CDH7: variants seen among roughly 807,000 people sequenced by gnomAD.
The protein encoded by CDH7 is cadherin 7, also known as cadherin-7.
CDH7 carries 25 observed loss-of-function variants against 71.8 expected under a neutral mutation model. The ratio of observed to expected loss-of-function variants is 0.35; its 90% CI spans 0.25 to 0.49. The LOEUF is 0.49. CDH7 is among the 20% of genes least tolerant of loss of function. The pLI is 0.99. For synonymous variants in CDH7, 381 were observed against 363.8 expected, an observed-to-expected ratio of 1.05 and a Z score of -0.54; for missense variants, 862 against 974.6, an observed-to-expected ratio of 0.88 and a Z score of 1.54.
chr18:65,874,201 A>T (rs2144060398), intron 11 of CDH7, among the ~76,000 whole-genome samples: 1 of 152,324 alleles, frequency 6.6e-6, no homozygotes, highest in African/African-American at 2.4e-5. Context: ...GCCACTAAAC[A>T]ATGGATTAAA....
rs1914440901 is a variant in CDH7 at position 65,888,906 on chromosome 18, C to CT, written c.*8013dup. ...AGAGGATAAGAAGATAGCTGAAACT[C>CT]TAATAATTGGACTTTCCAATCTTAA... On this transcript the variant is annotated 3_prime_UTR_variant, in exon 12 of 12. Coordinates refer to ENST00000397968, the MANE Select transcript of CDH7 (RefSeq NM_004361.5). 1 of 152,100 alleles carries CT rather than the reference C, an allele frequency of 6.6e-6. No homozygotes were observed. Among genetic ancestry groups the CT allele is most frequent in the Non-Finnish European group, 1.5e-5 (1 of 68,014 alleles). The allele number at this position is 152,100 out of a possible 1,614,324, so 9.4% of individuals were successfully genotyped here.
intron 2 of CDH7, among the ~76,000 whole-genome samples, chr18:65,796,073 A>G (rs182135158): frequency 1.2e-4 from 18 of 152,292 alleles, no homozygotes; most frequent in Admixed American, 7.8e-4. Flanking sequence ...AGTCTCGGGT[A>G]TTTCTTCATG....
chr18:65,751,932 T>C (rs1915892984), intron 1 of CDH7, among the ~76,000 whole-genome samples: 1 of 152,194 alleles, frequency 6.6e-6, no homozygotes, highest in South Asian at 2.1e-4. Context: ...CCCTACGGAT[T>C]TCTTAAATGT....
chr18:65,773,769 A>G (rs1301098331), intron 2 of CDH7, among the ~76,000 whole-genome samples: 1 of 152,100 alleles, frequency 6.6e-6, no homozygotes, highest in Non-Finnish European at 1.5e-5. Context: ...CAAGCGTAAT[A>G]TCTGTATGTT....
In CDH7 at chr18:65,866,857, T is replaced by A. The variant is rs540215825; in HGVS notation, c.1864+3940T>A. On this transcript the variant is annotated intron_variant, in intron 11 of 11. Transcript: ENST00000397968. ...TTTATTTACACCTGAATTCTTTAAA[T>A]GAAAAAAAAATCCAAAAATTAGAAC... 4.7e-4 allele frequency among the ~76,000 whole-genome samples: 72 copies of A among 151,648 alleles called. 3 individuals carry two copies. The highest frequency in any genetic ancestry group is 1.2e-4 in the Non-Finnish European group (8 of 67,912).
At chr18:65,844,174 G>GATATATATATATATGTATATAT (rs1555688432) in intron 7 of CDH7, 109 bp downstream of exon 7, 1 of 222,152 alleles carries the variant, frequency 4.5e-6, no homozygotes, top group African/African-American at 3.1e-5. Flanking sequence ...ATAAAAACCA[G>GATATATATATATATGTATATAT]ATATATATAT....
chr18:65,761,159 T>A (rs1396566133), intron 1 of CDH7, among the ~76,000 whole-genome samples: 1 of 152,222 alleles, frequency 6.6e-6, no homozygotes. Context: ...AGTAATTAGA[T>A]GAACATTGGC....
At chr18:65,867,202 ATTGT>A (rs1288949075) in intron 11 of CDH7, among the ~76,000 whole-genome samples, 1 of 152,050 alleles carries the variant, frequency 6.6e-6, no homozygotes, top group East Asian at 1.9e-4. Flanking sequence ...CGCCCGGCTA[ATTGT>A]TTGTATTTTT....
chr18:65,801,961 A>T (rs376916751), intron 2 of CDH7, among the ~76,000 whole-genome samples: 2 of 152,232 alleles, frequency 1.3e-5, no homozygotes, highest in Admixed American at 1.3e-4. Flanking sequence ...CGACACGTAC[A>T]TGCATACCTT....
intron 2 of CDH7, among the ~76,000 whole-genome samples, chr18:65,790,527 A>T (rs1215466746): frequency 6.6e-6 from 1 of 152,086 alleles, no homozygotes; most frequent in Non-Finnish European, 1.5e-5. Context: ...ATACTATTTT[A>T]AAAAATGCTA....
intron 2 of CDH7, among the ~76,000 whole-genome samples, chr18:65,809,006 G>A (rs542837145): frequency 1.2e-4 from 19 of 152,308 alleles, no homozygotes; most frequent in African/African-American, 4.6e-4. Flanking sequence ...CCCTGCTGCT[G>A]ATGCTGTGCT....
At chr18:65,799,039 T>G (rs141603058) in intron 2 of CDH7, among the ~76,000 whole-genome samples, 14 of 152,192 alleles carry the variant, frequency 9.2e-5, no homozygotes, top group African/African-American at 3.1e-4. Context: ...AATCTCCAGG[T>G]TGCAAGTGGT....
At chr18:65,759,581 A>G (rs566398367) in intron 1 of CDH7, among the ~76,000 whole-genome samples, 1 of 152,212 alleles carries the variant, frequency 6.6e-6, no homozygotes, top group Admixed American at 6.5e-5. Flanking sequence ...AACAATGTGT[A>G]TTTTATCACA....
At position 65,844,181 on chromosome 18, in the gene CDH7, A is replaced by ATATATATATATG; in HGVS notation, c.1235+123_1235+124insATATGTATATAT. 2 of 256,232 alleles carry ATATATATATATG rather than the reference A, an allele frequency of 7.8e-6. 1 individual carries two copies. Among genetic ancestry groups the ATATATATATATG allele is most frequent in the South Asian group, 2.6e-4 (2 of 7,802 alleles). 15.9% of individuals were successfully genotyped at this position (256,232 alleles called of 1,614,324 possible). ...CATAACAAATAAAAACCAGATATAT[A>ATATATATATATG]TATATATCGAGTTATAACAGCAGAG... On this transcript the variant is annotated intron_variant, in intron 7 of 11. Transcript: ENST00000397968.
Position 65,844,039 on chromosome 18 carries a change from C to T in CDH7, c.1209C>T (p.Asp403=), listed in dbSNP as rs1231275454. 1 of 1,612,856 alleles carries T rather than the reference C, an allele frequency of 6.2e-7. No individual in the cohort carries two copies. The highest frequency in any genetic ancestry group is 8.5e-7 in the Non-Finnish European group (1 of 1,179,304). The part of the protein sequence containing the change: ...GNIIGTVAAH[D]PDSSNSPVRY... ...TCATTGGCACTGTAGCAGCTCATGA[C>T]CCAGATTCTTCCAATAGCCCTGTGA... Residue 403 remains aspartate (D), a synonymous_variant, in exon 7 of 12, where the codon GAC becomes GAT. Transcript: ENST00000397968.
chr18:65,809,787 T>A lies in CDH7; in HGVS notation c.294T>A (p.Asp98Glu). The A allele has an allele frequency of 6.2e-7, 1 of 1,614,044 alleles. No homozygotes were observed. Among genetic ancestry groups the A allele is most frequent in the Non-Finnish European group, 8.5e-7 (1 of 1,179,934 alleles). Reference protein sequence around the residue: ...GEGASSIFIIDENTGDIHATK... With the variant: ...GEGASSIFIIEENTGDIHATK... ...GGGCAAGTTCCATTTTCATTATTGA[T>A]GAGAACACTGGGGATATTCATGCCA... Residue 98 changes from aspartate (D) to glutamate (E), a missense_variant, in exon 3 of 12, where the codon GAT becomes GAA. Coordinates refer to ENST00000397968, the MANE Select transcript of CDH7 (RefSeq NM_004361.5).
chr18:65,827,599 G>T (rs957979080), intron 6 of CDH7, among the ~76,000 whole-genome samples: 1 of 151,882 alleles, frequency 6.6e-6, no homozygotes, highest in East Asian at 1.9e-4. Context: ...TTTAGACTAA[G>T]AAGTTAGTCA....
At position 65,781,772 on chromosome 18, in the gene CDH7, T is replaced by TTTCTTTCTTTCTTTCTTTCTTTCTTTCTA. The variant is rs1568181261; in HGVS notation, c.210+18721_210+18722insTCTTTCTTTCTTTCTTTCTTTCTTTCTAT. On this transcript the variant is annotated intron_variant, in intron 2 of 11. Coordinates refer to ENST00000397968, the MANE Select transcript of CDH7 (RefSeq NM_004361.5). ...TTGATTTCTTTCTTTCTTTCTTTCC[T>TTTCTTTCTTTCTTTCTTTCTTTCTTTCTA]TCCTTCCTTCCTTCCTTCCTTCCTT... is the stretch of plus-strand genomic sequence containing the variant. Among the ~76,000 whole-genome samples the TTTCTTTCTTTCTTTCTTTCTTTCTTTCTA allele has an allele frequency of 8.1e-4, 61 of 75,772 alleles. 1 individual carries two copies. Among genetic ancestry groups the TTTCTTTCTTTCTTTCTTTCTTTCTTTCTA allele is most frequent in the African/African-American group, 1.2e-3 (23 of 18,642 alleles). 49.7% of individuals were successfully genotyped at this position (75,772 alleles called of 152,430 possible).
At chr18:65,814,696 A>T in intron 4 of CDH7, 92 bp downstream of exon 4, 2 of 1,079,794 alleles carry the variant, frequency 1.9e-6, no homozygotes, top group Non-Finnish European at 2.6e-6. Flanking sequence ...CACTAATAAC[A>T]TACCATTTTA....
Sources: allele counts gnomAD v4.1 joint callset (sites outside exome capture counted in the v4.1 genomes callset), GRCh38; gene constraint gnomAD v4.1.1; transcripts MANE v1.5; gene names NCBI Gene and HGNC (gene_info 2026-07-23, HGNC 2026-07-21).